Variants in ROBO1 observed in about 807,000 individuals in gnomAD.
ROBO1 encodes roundabout guidance receptor 1, also known as roundabout homolog 1.
In ROBO1, 149 loss-of-function variants were observed where a neutral mutation model predicts 195.9. The observed-to-expected ratio is 0.76, with a 90% CI of 0.67 to 0.87. The LOEUF (loss-of-function observed/expected upper bound fraction) is 0.87, where lower values mean the gene tolerates loss of function less well. Ranked by LOEUF, ROBO1 falls within the 40% of genes least tolerant of loss-of-function variation. The pLI, the probability that ROBO1 is intolerant of heterozygous loss-of-function variation, is 0.00. For missense variants in ROBO1, 1,933 were observed against 2,068.3 expected, an observed-to-expected ratio of 0.93 and a Z score of 1.27; for synonymous variants, 816 against 733.2, an observed-to-expected ratio of 1.11 and a Z score of -1.82.
intron 4 of ROBO1, among the ~76,000 whole-genome samples, chr3:78,912,149 A>T (rs1180204374): frequency 6.6e-6 from 1 of 151,632 alleles, no homozygotes; most frequent in African/African-American, 2.4e-5. Context: ...TTTTACAGTT[A>T]AAAAACAGTT....
intron 2 of ROBO1, among the ~76,000 whole-genome samples, chr3:79,301,870 T>C (rs1282490949): frequency 6.6e-6 from 1 of 152,130 alleles, no homozygotes; most frequent in African/African-American, 2.4e-5. Context: ...ATTTCTGACC[T>C]CATAAAATCA....
chr3:78,826,214 C>T (rs1224485763), intron 4 of ROBO1, among the ~76,000 whole-genome samples: 5 of 152,184 alleles, frequency 3.3e-5, no homozygotes. Context: ...GTAAGCATTA[C>T]TCCTTTAGTC....
intron 3 of ROBO1, among the ~76,000 whole-genome samples, chr3:78,944,070 G>A (rs9822620): frequency 6.6e-6 from 1 of 152,110 alleles, no homozygotes. Flanking sequence ...ACCATCTTCT[G>A]TATTACAACA....
At chr3:79,198,182 A>T (rs2108772037) in intron 2 of ROBO1, among the ~76,000 whole-genome samples, 1 of 152,192 alleles carries the variant, frequency 6.6e-6, no homozygotes, top group Non-Finnish European at 1.5e-5. Context: ...TCTTACATTA[A>T]AGTCTTTAAT....
At chr3:79,442,033 G>GA (rs200347541) in intron 2 of ROBO1, among the ~76,000 whole-genome samples, 2 of 149,740 alleles carry the variant, frequency 1.3e-5, no homozygotes, top group Non-Finnish European at 3.0e-5. Context: ...TCCAAGAAAG[G>GA]AAAAAAAAAG....
Position 78,921,932 on chromosome 3 carries a change from G to A in ROBO1, c.499+16669C>T, listed in dbSNP as rs542982331. Among the ~76,000 whole-genome samples, 14 of 151,876 alleles carry A rather than the reference G, an allele frequency of 9.2e-5. No homozygotes were observed. The South Asian group carries it at 2.1e-3, about 23-fold the overall frequency. On this transcript the variant is annotated intron_variant, in intron 4 of 30. Coordinates refer to ENST00000464233, the MANE Select transcript of ROBO1 (RefSeq NM_002941.4). ...CTCCCGAGTAGCTGGAACTACTGGC[G>A]TGCACCACCATGCCCAGCTATTTTT...
At chr3:78,876,279 T>C (rs547144579) in intron 4 of ROBO1, among the ~76,000 whole-genome samples, 1 of 152,154 alleles carries the variant, frequency 6.6e-6, no homozygotes, top group Non-Finnish European at 1.5e-5. Flanking sequence ...TAACCAAACA[T>C]AAACTAGTGC....
At chr3:78,811,610 C>T (rs959557729) in intron 4 of ROBO1, among the ~76,000 whole-genome samples, 1 of 152,046 alleles carries the variant, frequency 6.6e-6, no homozygotes, top group Non-Finnish European at 1.5e-5. Flanking sequence ...CCCTCTCCTA[C>T]TCACCTCTCC....
At chr3:78,851,609 C>A (rs180750273) in intron 4 of ROBO1, among the ~76,000 whole-genome samples, 2 of 152,110 alleles carry the variant, frequency 1.3e-5, no homozygotes, top group Admixed American at 6.5e-5. Flanking sequence ...ATAATTCTCA[C>A]AGATAAACTA....
intron 2 of ROBO1, among the ~76,000 whole-genome samples, chr3:79,288,487 C>T (rs941395254): frequency 5.9e-5 from 9 of 152,106 alleles, no homozygotes; most frequent in African/African-American, 1.7e-4. Context: ...TCTTTAGATA[C>T]GTGTGCATGT....
chr3:79,384,902 G>C lies in ROBO1; in HGVS notation c.88+204922C>G, dbSNP rs146787016. Among the ~76,000 whole-genome samples the C allele has an allele frequency of 3.1e-3, 467 of 152,102 alleles. 3 individuals are homozygous for C. Among genetic ancestry groups the C allele is most frequent in the African/African-American group, 0.011 (441 of 41,548 alleles). On this transcript the variant is annotated intron_variant, in intron 2 of 30. Transcript: ENST00000464233. ...CTCAGTCATCACTAAGGAAATCTCC[G>C]ATACAGGAAAGTTATGCATCTTCTC...
chr3:78,821,741 A>C (rs1249806251), intron 4 of ROBO1, among the ~76,000 whole-genome samples: 1 of 152,146 alleles, frequency 6.6e-6, no homozygotes, highest in African/African-American at 2.4e-5. Context: ...AGGATAATTT[A>C]ATTTAATTCA....
Position 79,045,509 on chromosome 3 carries a change from A to C in ROBO1, c.172+79947T>G, listed in dbSNP as rs146467026. 2.6e-4 allele frequency among the ~76,000 whole-genome samples: 39 copies of C among 152,226 alleles called. 1 individual carries two copies. The East Asian group carries it at 7.4e-3, about 29-fold the overall frequency. ...ATATATGGAGAGACGATATAGATCT[A>C]TATAGAGATGATAGAGATATGAAAT... On this transcript the variant is annotated intron_variant, in intron 3 of 30. Transcript: ENST00000464233.
At chr3:78,696,430 T>G (rs1575956294) in intron 8 of ROBO1, among the ~76,000 whole-genome samples, 1 of 152,086 alleles carries the variant, frequency 6.6e-6, no homozygotes, top group African/African-American at 2.4e-5. Context: ...GTTAAAGAAC[T>G]TTATCAAGGT....
At chr3:78,838,688 AT>A (rs1213497866) in intron 4 of ROBO1, among the ~76,000 whole-genome samples, 2 of 151,792 alleles carry the variant, frequency 1.3e-5, no homozygotes, top group East Asian at 3.9e-4. Context: ...CAATTTACTC[AT>A]GAGGGAAGCA....
intron 3 of ROBO1, among the ~76,000 whole-genome samples, chr3:79,124,524 T>C (rs1354064063): frequency 6.6e-6 from 1 of 152,142 alleles, no homozygotes; most frequent in Non-Finnish European, 1.5e-5. Flanking sequence ...ATCTATATGA[T>C]TGTTATGATA....
chr3:79,648,396 C>T (rs1488976776), intron 1 of ROBO1, among the ~76,000 whole-genome samples: 1 of 152,064 alleles, frequency 6.6e-6, no homozygotes, highest in Non-Finnish European at 1.5e-5. Context: ...ATATCTCCAA[C>T]ACAGACACAC....
intron 2 of ROBO1, among the ~76,000 whole-genome samples, chr3:79,444,457 T>A (rs2107147281): frequency 6.6e-6 from 1 of 152,264 alleles, no homozygotes; most frequent in African/African-American, 2.4e-5. Flanking sequence ...AGCCAGCTAA[T>A]ATTAAAGTGT....
At chr3:79,753,125 A>C (rs1429989107) in intron 1 of ROBO1, among the ~76,000 whole-genome samples, 1 of 152,156 alleles carries the variant, frequency 6.6e-6, no homozygotes, top group Non-Finnish European at 1.5e-5. Context: ...TGCTAGAAAA[A>C]TAAATACACT....
Sources: allele counts gnomAD v4.1 joint callset (sites outside exome capture counted in the v4.1 genomes callset), GRCh38; gene constraint gnomAD v4.1.1; transcripts MANE v1.5; gene names NCBI Gene and HGNC (gene_info 2026-07-23, HGNC 2026-07-21).